MYO16: variants seen among roughly 807,000 people sequenced by gnomAD.
MYO16 encodes unconventional myosin-XVI.
In MYO16, 94 loss-of-function variants were observed where a neutral mutation model predicts 205.3. The observed-to-expected ratio is 0.46, with a 90% CI of 0.39 to 0.54. MYO16 has a LOEUF of 0.54. Among genes scored for constraint, MYO16 ranks in the 20% least tolerant of loss-of-function variants. The pLI, the probability that MYO16 is intolerant of heterozygous loss-of-function variation, is 0.00. For missense variants in MYO16, 2,315 were observed against 2,387.5 expected, an observed-to-expected ratio of 0.97 and a Z score of 0.63; for synonymous variants, 988 against 954.0, an observed-to-expected ratio of 1.04 and a Z score of -0.66.
chr13:108,665,024 A>C (rs1175914265), intron 1 of MYO16, among the ~76,000 whole-genome samples: 1 of 152,198 alleles, frequency 6.6e-6, no homozygotes, highest in Non-Finnish European at 1.5e-5. Flanking sequence ...AATGTCACTG[A>C]TGATGAGAAA....
chr13:108,740,296 C>T (rs932931634), intron 4 of MYO16, among the ~76,000 whole-genome samples: 2 of 152,086 alleles, frequency 1.3e-5, no homozygotes, highest in Non-Finnish European at 2.9e-5. Context: ...ATGATGGTGA[C>T]GTACAGATGG....
intron 4 of MYO16, among the ~76,000 whole-genome samples, chr13:108,736,607 G>A (rs1185278043): frequency 6.6e-6 from 1 of 152,156 alleles, no homozygotes; most frequent in Non-Finnish European, 1.5e-5. Context: ...TTTTGCTTAG[G>A]ATTGTCTTGG....
intron 23 of MYO16, among the ~76,000 whole-genome samples, chr13:109,021,719 G>A (rs1392183178): frequency 2.6e-5 from 4 of 152,150 alleles, no homozygotes; most frequent in Admixed American, 2.6e-4. Context: ...AGAAAGGGCG[G>A]TAGGTGACAT....
chr13:108,663,994 C>A (rs1490881006), intron 1 of MYO16, among the ~76,000 whole-genome samples: 2 of 152,164 alleles, frequency 1.3e-5, no homozygotes, highest in East Asian at 3.9e-4. Flanking sequence ...TATTAATGAG[C>A]TTTCTCATAC....
chr13:108,847,137 G>A (rs762803489), intron 10 of MYO16, among the ~76,000 whole-genome samples: 4 of 152,134 alleles, frequency 2.6e-5, no homozygotes, highest in African/African-American at 7.2e-5. Context: ...TTAATAAGAC[G>A]TTTCTAAAAG....
intron 1 of MYO16, among the ~76,000 whole-genome samples, chr13:108,633,615 C>T (rs1333842341): frequency 6.6e-6 from 1 of 152,202 alleles, no homozygotes; most frequent in Non-Finnish European, 1.5e-5. Context: ...TCTCCTTTGA[C>T]ATCACCCTTG....
the MYO16 span, among the ~76,000 whole-genome samples, chr13:108,553,730 T>A: frequency 3.9e-5 from 6 of 152,186 alleles, no homozygotes; most frequent in African/African-American, 7.2e-5. Flanking sequence ...AATATTCTGG[T>A]GTCACTTCAA....
intron 15 of MYO16, among the ~76,000 whole-genome samples, chr13:108,907,213 G>C (rs978370955): frequency 6.6e-6 from 1 of 151,988 alleles, no homozygotes; most frequent in Non-Finnish European, 1.5e-5. Flanking sequence ...TTTATATAAT[G>C]AACAAAAGCT....
intron 32 of MYO16, among the ~76,000 whole-genome samples, chr13:109,160,833 T>C (rs1316278117): frequency 6.6e-6 from 1 of 152,214 alleles, no homozygotes; most frequent in East Asian, 1.9e-4. Context: ...TATATGCACT[T>C]TTAACAAAGA....
At chr13:109,092,182 CAA>C (rs1479094754) in intron 27 of MYO16, among the ~76,000 whole-genome samples, 1 of 152,148 alleles carries the variant, frequency 6.6e-6, no homozygotes, top group Non-Finnish European at 1.5e-5. Flanking sequence ...ATTTAACAAA[CAA>C]AGACATTTTC....
chr13:109,067,865 G>A (rs185253440), intron 27 of MYO16, among the ~76,000 whole-genome samples: 107 of 152,170 alleles, frequency 7.0e-4, no homozygotes, highest in Non-Finnish European at 1.3e-3. Flanking sequence ...TAAGAAAAGC[G>A]ATGTCTACAA....
chr13:109,044,827 T>G (rs1886988037), intron 23 of MYO16, among the ~76,000 whole-genome samples: 1 of 152,110 alleles, frequency 6.6e-6, no homozygotes, highest in African/African-American at 2.4e-5. Flanking sequence ...GTACCTGGGA[T>G]TACAGGCGTC....
intron 4 of MYO16, among the ~76,000 whole-genome samples, chr13:108,752,808 A>ATAT (rs751233713): frequency 2.2e-5 from 2 of 90,582 alleles, no homozygotes; most frequent in South Asian, 4.4e-4. Flanking sequence ...TGCCCAGCTA[A>ATAT]TTTTTTTTTT....
chr13:108,918,301 C>T lies in MYO16; in HGVS notation c.1925+8151C>T, dbSNP rs117730093. The stretch of plus-strand genomic sequence containing the variant: ...TAAGATGGTGTATTCACATAATAAA[C>T]ACATAAATAAACGTGTGCACACAAC... On this transcript the variant is annotated intron_variant, in intron 16 of 34. Coordinates refer to ENST00000457511, the MANE Select transcript of MYO16 (RefSeq NM_001198950.3). 2.0e-5 allele frequency among the ~76,000 whole-genome samples: 3 copies of T among 152,282 alleles called. No individual in the cohort carries two copies. The East Asian group carries it at 5.8e-4, about 29-fold the overall frequency.
chr13:108,646,070 G>A (rs1880742386), intron 1 of MYO16, among the ~76,000 whole-genome samples: 1 of 152,184 alleles, frequency 6.6e-6, no homozygotes, highest in African/African-American at 2.4e-5. Context: ...GTCCTCTGGG[G>A]CACTACATTT....
At chr13:108,985,435 T>A (rs7993411) in intron 20 of MYO16, among the ~76,000 whole-genome samples, 2,262 of 152,290 alleles carry the variant, frequency 0.015, 44 homozygotes, top group African/African-American at 0.051. Flanking sequence ...GTAAAGTCAT[T>A]ATACTGAAGA....
chr13:108,589,582 T>C, the MYO16 span, among the ~76,000 whole-genome samples: 1 of 152,058 alleles, frequency 6.6e-6, no homozygotes. Flanking sequence ...AAAAAGAAAA[T>C]GACATCTGAT....
At chr13:109,187,162 C>G (rs1879721995) in intron 34 of MYO16, among the ~76,000 whole-genome samples, 1 of 152,114 alleles carries the variant, frequency 6.6e-6, no homozygotes, top group East Asian at 1.9e-4. Flanking sequence ...ACATCCTTTT[C>G]TTATTTCCCA....
chr13:109,101,781 A>T (rs1888975469), intron 28 of MYO16: 1 of 152,220 alleles, frequency 6.6e-6, no homozygotes, highest in South Asian at 2.1e-4. Context: ...AAATATGACG[A>T]TTACTGGAAA....
Sources: allele counts gnomAD v4.1 joint callset (sites outside exome capture counted in the v4.1 genomes callset), GRCh38; gene constraint gnomAD v4.1.1; transcripts MANE v1.5; gene names NCBI Gene and HGNC (gene_info 2026-07-23, HGNC 2026-07-21).